DCC: variants seen among roughly 807,000 people sequenced by gnomAD.
The protein encoded by DCC is DCC netrin 1 receptor.
DCC carries 58 observed loss-of-function variants against 172.5 expected under a neutral mutation model. The ratio of observed to expected loss-of-function variants is 0.34; its 90% confidence interval spans 0.27 to 0.42. The LOEUF is 0.42. Ranked by LOEUF, DCC falls within the 10% of genes least tolerant of loss-of-function variation. The probability of loss-of-function intolerance (pLI) is 1.00; values close to 1 mark genes in which losing one functional copy is unlikely to be tolerated. For missense variants in DCC, 1,740 were observed against 1,791.0 expected (o/e 0.97, Z 0.51); for synonymous variants, 709 against 644.5 (o/e 1.10, Z -1.52).
chr18:53,485,870 G>T (rs1223227159), intron 25 of DCC, among the ~76,000 whole-genome samples: 1 of 151,926 alleles, frequency 6.6e-6, no homozygotes, highest in Non-Finnish European at 1.5e-5. Context: ...TGGTAAATGT[G>T]CATGCATGTA....
At chr18:52,620,630 C>T (rs998875114) in intron 1 of DCC, among the ~76,000 whole-genome samples, 2 of 152,116 alleles carry the variant, frequency 1.3e-5, no homozygotes, top group African/African-American at 4.8e-5. Context: ...TTCATTGTAA[C>T]ATTTTAAATT....
chr18:53,407,639 T>A (rs1234161657), intron 19 of DCC, among the ~76,000 whole-genome samples: 1 of 149,494 alleles, frequency 6.7e-6, no homozygotes, highest in African/African-American at 2.4e-5. Context: ...TTCATATATA[T>A]CTATAACATA....
intron 2 of DCC, among the ~76,000 whole-genome samples, chr18:52,807,697 C>T (rs1319075170): frequency 6.6e-6 from 1 of 152,146 alleles, no homozygotes; most frequent in African/African-American, 2.4e-5. Context: ...CTTTTTGCCT[C>T]TGGACAGGTT....
intron 1 of DCC, among the ~76,000 whole-genome samples, chr18:52,437,454 A>G (rs1036783541): frequency 1.3e-5 from 2 of 152,190 alleles, no homozygotes; most frequent in Non-Finnish European, 2.9e-5. Context: ...ATAGGCTGAA[A>G]CAGATGGAGC....
At chr18:53,517,937 C>G (rs1025537721) in intron 27 of DCC, among the ~76,000 whole-genome samples, 2 of 151,980 alleles carry the variant, frequency 1.3e-5, no homozygotes, top group Admixed American at 6.6e-5. Flanking sequence ...TCTTTTTGTT[C>G]AATATTTGTT....
intron 1 of DCC, among the ~76,000 whole-genome samples, chr18:52,446,106 T>A (rs1334222320): frequency 6.6e-6 from 1 of 152,160 alleles, no homozygotes; most frequent in Non-Finnish European, 1.5e-5. Flanking sequence ...CTAATTCTTT[T>A]GTATTTTTAG....
At chr18:52,513,175 A>G (rs958843922) in intron 1 of DCC, among the ~76,000 whole-genome samples, 3 of 152,228 alleles carry the variant, frequency 2.0e-5, no homozygotes, top group Admixed American at 1.3e-4. Context: ...AAGAAGGGAT[A>G]GTAATAGACA....
At chr18:52,792,851 T>G (rs960303913) in intron 2 of DCC, among the ~76,000 whole-genome samples, 1 of 97,652 alleles carries the variant, frequency 1.0e-5, no homozygotes, top group Admixed American at 9.2e-5. Flanking sequence ...TTCCATTCCA[T>G]TCCATTCGGG....
chr18:52,376,163 G>C (rs1985337282), intron 1 of DCC, among the ~76,000 whole-genome samples: 1 of 152,076 alleles, frequency 6.6e-6, no homozygotes, highest in African/African-American at 2.4e-5. Flanking sequence ...AATAACTCTG[G>C]ATTGTAAGCC....
intron 1 of DCC, among the ~76,000 whole-genome samples, chr18:52,400,921 C>T (rs1194135301): frequency 6.6e-6 from 1 of 151,466 alleles, no homozygotes; most frequent in African/African-American, 2.4e-5. Flanking sequence ...GGGAGGGGAA[C>T]ATCACACACC....
chr18:52,876,362 G>A (rs1266699413), intron 2 of DCC, among the ~76,000 whole-genome samples: 2 of 151,594 alleles, frequency 1.3e-5, no homozygotes, highest in African/African-American at 4.9e-5. Flanking sequence ...ATTATTAATA[G>A]GATTTAATTT....
At chr18:52,706,257 A>C (rs2036210136) in intron 1 of DCC, among the ~76,000 whole-genome samples, 1 of 152,246 alleles carries the variant, frequency 6.6e-6, no homozygotes, top group South Asian at 2.1e-4. Context: ...GTAGTTAAGC[A>C]CAGCCAGATA....
chr18:52,565,887 G>T (rs1280052829), intron 1 of DCC, among the ~76,000 whole-genome samples: 2 of 152,048 alleles, frequency 1.3e-5, no homozygotes, highest in Non-Finnish European at 2.9e-5. Flanking sequence ...ATTGCTTTTG[G>T]TGTTTTAGTC....
chr18:52,545,270 C>T (rs181346794), intron 1 of DCC, among the ~76,000 whole-genome samples: 105 of 152,272 alleles, frequency 6.9e-4, no homozygotes, highest in African/African-American at 2.2e-3. Context: ...GGGCAATTCT[C>T]GAGATTGCCT....
At chr18:52,777,989 G>C (rs28662803) in intron 2 of DCC, among the ~76,000 whole-genome samples, 8,042 of 151,626 alleles carry the variant, frequency 0.053, 288 homozygotes, top group South Asian at 0.16. Context: ...GAAAAACAAA[G>C]AGCTGCAACA....
At chr18:53,083,865 A>T (rs1198042475) in intron 7 of DCC, among the ~76,000 whole-genome samples, 1 of 152,202 alleles carries the variant, frequency 6.6e-6, no homozygotes, top group Admixed American at 6.5e-5. Context: ...TAGCAGAGAC[A>T]TGTGAATATC....
intron 24 of DCC, among the ~76,000 whole-genome samples, chr18:53,460,123 A>G: frequency 9.5e-6 from 1 of 105,756 alleles, no homozygotes; most frequent in Non-Finnish European, 2.3e-5. Flanking sequence ...GTGTCCAGGG[A>G]TAAGTAAGAA....
intron 15 of DCC, 91 bp from the exon 16 acceptor site, chr18:53,385,952 A>G: frequency 1.2e-6 from 1 of 861,482 alleles, no homozygotes; most frequent in Non-Finnish European, 2.0e-6. Flanking sequence ...AGTAGATTAT[A>G]TGAAATTTGT....
intron 16 of DCC, among the ~76,000 whole-genome samples, chr18:53,387,969 A>G (rs762059974): frequency 3.9e-5 from 6 of 152,246 alleles, no homozygotes; most frequent in Non-Finnish European, 7.3e-5. Context: ...TTGTTCAGAA[A>G]GAACCACTGG....
Sources: allele counts gnomAD v4.1 joint callset (sites outside exome capture counted in the v4.1 genomes callset), GRCh38; gene constraint gnomAD v4.1.1; transcripts MANE v1.5; gene names NCBI Gene and HGNC (gene_info 2026-07-23, HGNC 2026-07-21).